The following PCDH15 variants were observed in gnomAD, a reference collection of about 807,000 sequenced individuals.
PCDH15 encodes the protein protocadherin-15.
PCDH15 carries 129 observed loss-of-function variants against 178.5 expected under a neutral mutation model. The observed-to-expected ratio is 0.72, with a 90% CI of 0.63 to 0.84. The LOEUF is 0.84. Among genes scored for constraint, PCDH15 ranks in the 40% least tolerant of loss-of-function variants. The pLI, the probability that PCDH15 is intolerant of heterozygous loss-of-function variation, is 0.00. For missense variants in PCDH15, 2,230 were observed against 2,099.9 expected (o/e 1.06, Z -1.21); for synonymous variants, 800 against 732.0 (o/e 1.09, Z -1.50).
intron 21 of PCDH15, among the ~76,000 whole-genome samples, chr10:53,964,942 G>T (rs1401438641): frequency 6.6e-6 from 1 of 151,996 alleles, no homozygotes; most frequent in Non-Finnish European, 1.5e-5. Flanking sequence ...GAATAATAAT[G>T]ATAATAACAA....
chr10:55,206,454 G>C (rs749350189), intron 1 of PCDH15, among the ~76,000 whole-genome samples: 1 of 152,056 alleles, frequency 6.6e-6, no homozygotes, highest in African/African-American at 2.4e-5. Context: ...ATTTTAACCA[G>C]AAAAGTCTGG....
At chr10:54,283,617 T>C in intron 8 of PCDH15, among the ~76,000 whole-genome samples, 1 of 151,982 alleles carries the variant, frequency 6.6e-6, no homozygotes, top group East Asian at 1.9e-4. Flanking sequence ...AAGCAAAATA[T>C]TGACTAATAA....
intron 27 of PCDH15, among the ~76,000 whole-genome samples, 196 bp downstream of exon 27, chr10:53,866,446 A>AATATATATATATATAT (rs55793083): frequency 6.9e-5 from 10 of 145,800 alleles, no homozygotes; most frequent in Non-Finnish European, 3.0e-5. Context: ...TGTTTTTGTA[A>AATATATATATATATAT]ATATATATAT....
chr10:54,068,904 T>G (rs1389580944), intron 17 of PCDH15, among the ~76,000 whole-genome samples: 3 of 152,154 alleles, frequency 2.0e-5, no homozygotes, highest in Non-Finnish European at 4.4e-5. Context: ...AACATACACA[T>G]GTGTGTCGAT....
Position 55,213,592 on chromosome 10 carries a change from A to C in PCDH15, c.-155-46941T>G, listed in dbSNP as rs1217675680. ...ACATTTTTTGGCATAAATGTATCTT[A>C]TATTTTTAATCTTTTAAAAATCTTA... On this transcript the variant is annotated intron_variant, in intron 1 of 5. Coordinates refer to the PCDH15 transcript ENST00000458638. Among the ~76,000 whole-genome samples the C allele has an allele frequency of 2.0e-5, 3 of 151,700 alleles. No homozygotes were observed. The East Asian group carries it at 5.8e-4, about 29-fold the overall frequency.
chr10:54,530,077 A>G (rs749735545), intron 2 of PCDH15, among the ~76,000 whole-genome samples: 7 of 152,124 alleles, frequency 4.6e-5, no homozygotes, highest in African/African-American at 7.2e-5. Context: ...AAATTTGGAT[A>G]TAAATATTTT....
At chr10:55,375,441 T>A (rs1441399454) in intron 2 of PCDH15, among the ~76,000 whole-genome samples, 2 of 152,096 alleles carry the variant, frequency 1.3e-5, no homozygotes, top group Non-Finnish European at 2.9e-5. Context: ...TTAAAGTTTT[T>A]CTAAAATTTT....
chr10:53,935,446 C>CA (rs1006522721), intron 25 of PCDH15, among the ~76,000 whole-genome samples: 41 of 149,728 alleles, frequency 2.7e-4, no homozygotes, highest in East Asian at 5.8e-4. Context: ...ATGAGCAGTG[C>CA]AAAAAAAAAG....
intron 2 of PCDH15, among the ~76,000 whole-genome samples, chr10:55,516,011 C>A (rs1841005020): frequency 6.6e-6 from 1 of 152,124 alleles, no homozygotes; most frequent in Non-Finnish European, 1.5e-5. Context: ...GCTTTTTAAT[C>A]TCATTCTTCG....
intron 2 of PCDH15, among the ~76,000 whole-genome samples, chr10:55,576,334 C>T (rs1010999169): frequency 2.6e-5 from 4 of 152,122 alleles, no homozygotes; most frequent in Admixed American, 2.6e-4. Context: ...TAAGGGTCTT[C>T]GCCCTTGTCA....
At chr10:55,321,935 G>A (rs1161546554), upstream of PCDH15, among the ~76,000 whole-genome samples, 1 of 152,140 alleles carries the variant, frequency 6.6e-6, no homozygotes, top group Non-Finnish European at 1.5e-5. Context: ...ACACTTTAAA[G>A]CAACCACACA....
At chr10:54,681,997 T>C (rs2094909293) in intron 1 of PCDH15, among the ~76,000 whole-genome samples, 1 of 152,086 alleles carries the variant, frequency 6.6e-6, no homozygotes, top group African/African-American at 2.4e-5. Context: ...GTATCGGAGC[T>C]TTGAGGATAA....
intron 15 of PCDH15, among the ~76,000 whole-genome samples, chr10:54,120,204 G>A (rs1412514816): frequency 6.6e-6 from 1 of 152,098 alleles, no homozygotes; most frequent in Non-Finnish European, 1.5e-5. Flanking sequence ...ATATTTTCCT[G>A]ACAAGCACGT....
chr10:55,358,918 A>T (rs1845147359), intron 2 of PCDH15, among the ~76,000 whole-genome samples: 1 of 152,148 alleles, frequency 6.6e-6, no homozygotes, highest in African/African-American at 2.4e-5. Flanking sequence ...AGGACCATGC[A>T]TGATGGCTCA....
chr10:55,424,482 G>A (rs1838702668), intron 2 of PCDH15, among the ~76,000 whole-genome samples: 1 of 152,122 alleles, frequency 6.6e-6, no homozygotes, highest in Non-Finnish European at 1.5e-5. Context: ...AATAGCCCCA[G>A]GGCATCTTTT....
At chr10:55,198,442 T>C (rs1319875231) in intron 1 of PCDH15, among the ~76,000 whole-genome samples, 2 of 152,116 alleles carry the variant, frequency 1.3e-5, no homozygotes, top group Admixed American at 1.3e-4. Context: ...AAAGTGCTCA[T>C]GAGATCTGGT....
intron 3 of PCDH15, among the ~76,000 whole-genome samples, chr10:54,453,753 A>G (rs2076633012): frequency 6.6e-6 from 1 of 152,086 alleles, no homozygotes; most frequent in Non-Finnish European, 1.5e-5. Flanking sequence ...AGAGATAGGA[A>G]GAAAGCAGCT....
At chr10:55,380,527 T>C (rs1223120234) in intron 2 of PCDH15, among the ~76,000 whole-genome samples, 2 of 152,164 alleles carry the variant, frequency 1.3e-5, no homozygotes, top group African/African-American at 2.4e-5. Flanking sequence ...AAAAGTATTA[T>C]AAAATAATGC....
At chr10:54,192,154 A>AAGAAAGAAAAAGACAG (rs1554832302) in intron 11 of PCDH15, among the ~76,000 whole-genome samples, 1 of 132,566 alleles carries the variant, frequency 7.5e-6, no homozygotes, top group Non-Finnish European at 1.6e-5. Flanking sequence ...GAAAGAAAGA[A>AAGAAAGAAAAAGACAG]AAAGAAAGAA....
Sources: gnomAD v4.1 joint callset for allele counts (sites outside exome capture counted in the v4.1 genomes callset) on GRCh38, gnomAD v4.1.1 for gene constraint, MANE v1.5 for transcripts, NCBI Gene and HGNC (gene_info 2026-07-23, HGNC 2026-07-21) for gene names.